The following LGSN variants were observed in gnomAD, a reference collection of about 807,000 sequenced individuals.
The protein encoded by LGSN is lengsin, lens protein with glutamine synthetase domain, also known as lengsin.
Under a neutral mutation model 19.5 loss-of-function variants are expected in LGSN, and 21 were observed. That is an observed-to-expected ratio of 1.07 (90% confidence interval 0.76 to 1.55). The LOEUF (loss-of-function observed/expected upper bound fraction) is 1.55, where lower values mean the gene tolerates loss of function less well. LGSN is among the 40% of genes most tolerant of loss of function. The pLI is 0.00. For synonymous variants in LGSN, 257 were observed against 215.6 expected, an observed-to-expected ratio of 1.19 and a Z score of -1.68; for missense variants, 673 against 608.5, an observed-to-expected ratio of 1.11 and a Z score of -1.12.
the LGSN span, among the ~76,000 whole-genome samples, chr6:63,468,633 G>A: frequency 6.6e-6 from 1 of 151,674 alleles, no homozygotes; most frequent in Non-Finnish European, 1.5e-5. Flanking sequence ...TCATTACGTT[G>A]GTCAGGCTGG....
the LGSN span, among the ~76,000 whole-genome samples, chr6:63,507,932 G>T: frequency 6.6e-6 from 1 of 152,052 alleles, no homozygotes; most frequent in Non-Finnish European, 1.5e-5. Context: ...TTTCCATCAT[G>T]CCCAAGAGAC....
chr6:63,337,798 T>C, the LGSN span, among the ~76,000 whole-genome samples: 2 of 152,208 alleles, frequency 1.3e-5, no homozygotes, highest in South Asian at 2.1e-4. Context: ...AGTGAGATAC[T>C]GTCTCAAAAA....
chr6:63,456,346 AATATACATATATATATATATATATATAT>A, the LGSN span, among the ~76,000 whole-genome samples: 56 of 100,500 alleles, frequency 5.6e-4, 5 homozygotes, highest in African/African-American at 1.8e-3. Context: ...ACTTGGCAGA[AATATACATATATATATATATATATATAT>A]ATATATATAT....
At chr6:63,463,784 T>A in the LGSN span, among the ~76,000 whole-genome samples, 1 of 152,144 alleles carries the variant, frequency 6.6e-6, no homozygotes, top group Non-Finnish European at 1.5e-5. Flanking sequence ...AAACCTGAAA[T>A]TTAATAGTGC....
the LGSN span, among the ~76,000 whole-genome samples, chr6:63,336,971 T>G: frequency 1.3e-5 from 2 of 151,626 alleles, no homozygotes. Flanking sequence ...TCACCCAGGC[T>G]GGAGTGCAAT....
At chr6:63,283,694 TC>T (rs1767413136) in intron 3 of LGSN, among the ~76,000 whole-genome samples, 1 of 150,654 alleles carries the variant, frequency 6.6e-6, no homozygotes, top group Non-Finnish European at 1.5e-5. Flanking sequence ...CACAGATGAA[TC>T]TTTTTTTTAT....
the LGSN span, among the ~76,000 whole-genome samples, chr6:63,502,579 A>T: frequency 6.6e-6 from 1 of 152,240 alleles, no homozygotes; most frequent in Non-Finnish European, 1.5e-5. Flanking sequence ...ATCGTTCAGG[A>T]TAATGATACA....
chr6:63,407,685 T>C, the LGSN span, among the ~76,000 whole-genome samples: 3 of 152,258 alleles, frequency 2.0e-5, no homozygotes, highest in South Asian at 6.2e-4. Context: ...GCCAGGGCAA[T>C]TAGGCAGGAG....
the LGSN span, among the ~76,000 whole-genome samples, chr6:63,412,890 GAGAA>G: frequency 1.0e-3 from 146 of 143,742 alleles, 1 homozygote; most frequent in Admixed American, 2.7e-3. Context: ...GAAAGAGGGA[GAGAA>G]AGAGAGAGAG....
chr6:63,323,788 T>G (rs1769155857), upstream of LGSN, among the ~76,000 whole-genome samples: 1 of 150,702 alleles, frequency 6.6e-6, no homozygotes, highest in Non-Finnish European at 1.5e-5. Context: ...TTTTTTTTTT[T>G]TTGAAACACA....
chr6:63,377,982 T>C, the LGSN span, among the ~76,000 whole-genome samples: 8 of 135,990 alleles, frequency 5.9e-5, no homozygotes, highest in Admixed American at 4.5e-4. Context: ...GCCTTATTGC[T>C]GATATGGAGA....
intron 1 of LGSN, among the ~76,000 whole-genome samples, chr6:63,299,205 C>A (rs1284697272): frequency 6.6e-6 from 1 of 152,148 alleles, no homozygotes; most frequent in Non-Finnish European, 1.5e-5. Context: ...ACCTTTCTGG[C>A]ATTTAGCTGG....
At chr6:63,434,176 C>T in the LGSN span, among the ~76,000 whole-genome samples, 15 of 152,134 alleles carry the variant, frequency 9.9e-5, no homozygotes, top group African/African-American at 3.6e-4. Context: ...CAGTGGCTCA[C>T]GTCTGTAATC....
the LGSN span, chr6:63,548,977 G>T: frequency 5.4e-5 from 40 of 740,692 alleles, no homozygotes; most frequent in South Asian, 5.0e-4. Context: ...TAAGGGACCC[G>T]CATTTTATGA....
At chr6:63,454,272 G>T in the LGSN span, among the ~76,000 whole-genome samples, 1 of 152,112 alleles carries the variant, frequency 6.6e-6, no homozygotes, top group African/African-American at 2.4e-5. Flanking sequence ...TTTAAATACA[G>T]ATTGAAACAC....
chr6:63,319,838 T>C (rs373324210), intron 1 of LGSN, 76 bp downstream of exon 1: 4 of 1,022,682 alleles, frequency 3.9e-6, no homozygotes, highest in South Asian at 2.6e-5. Flanking sequence ...TTACTGGCAT[T>C]CAAATAATTG....
the LGSN span, among the ~76,000 whole-genome samples, chr6:63,551,710 C>T: frequency 4.0e-5 from 6 of 150,624 alleles, no homozygotes; most frequent in East Asian, 2.0e-4. Flanking sequence ...CAACAGGCCC[C>T]GGTGTGTGAT....
the LGSN span, among the ~76,000 whole-genome samples, chr6:63,432,227 C>G: frequency 7.9e-6 from 1 of 125,936 alleles, no homozygotes; most frequent in African/African-American, 2.9e-5. Flanking sequence ...AGAAAAGAAA[C>G]AGCATTAATG....
chr6:63,539,979 G>T, the LGSN span, among the ~76,000 whole-genome samples: 1 of 152,200 alleles, frequency 6.6e-6, no homozygotes, highest in Non-Finnish European at 1.5e-5. Flanking sequence ...GGGGGTGGGA[G>T]TAATAGGAAT....
Sources: gnomAD v4.1 joint callset for allele counts (sites outside exome capture counted in the v4.1 genomes callset) on GRCh38, gnomAD v4.1.1 for gene constraint, MANE v1.5 for transcripts, NCBI Gene and HGNC (gene_info 2026-07-23, HGNC 2026-07-21) for gene names.